Variants in SLC38A4 observed in about 807,000 individuals in gnomAD.
The protein encoded by SLC38A4 is sodium-coupled neutral amino acid transporter 4.
A neutral mutation model predicts 63.1 loss-of-function variants in SLC38A4; 20 were observed. That is an observed-to-expected ratio of 0.32 (90% CI 0.22 to 0.46). The LOEUF (loss-of-function observed/expected upper bound fraction) is 0.46. Among genes scored for constraint, SLC38A4 ranks in the 20% least tolerant of loss-of-function variants. The pLI is 1.00. For missense variants in SLC38A4, 526 were observed against 663.6 expected (o/e 0.79, Z 2.28); for synonymous variants, 230 against 225.5 (o/e 1.02, Z -0.18).
At chr12:46,810,038 C>T (rs964369257) in intron 1 of SLC38A4, among the ~76,000 whole-genome samples, 3 of 151,980 alleles carry the variant, frequency 2.0e-5, no homozygotes, top group African/African-American at 7.2e-5. Flanking sequence ...AAGAGACATT[C>T]TAATAATTAT....
chr12:46,812,705 G>A (rs1309128906), intron 1 of SLC38A4, among the ~76,000 whole-genome samples: 1 of 151,926 alleles, frequency 6.6e-6, no homozygotes, highest in Non-Finnish European at 1.5e-5. Context: ...CATGACTGGA[G>A]TTCAAACTAG....
At chr12:46,817,859 T>A (rs1939471981) in intron 1 of SLC38A4, among the ~76,000 whole-genome samples, 1 of 151,962 alleles carries the variant, frequency 6.6e-6, no homozygotes, top group Non-Finnish European at 1.5e-5. Flanking sequence ...AATTAATTCC[T>A]ATTAGTAAAA....
At chr12:46,769,585 T>C (rs1421335422) in intron 14 of SLC38A4, among the ~76,000 whole-genome samples, 157 bp from the exon 15 acceptor site, 2 of 152,112 alleles carry the variant, frequency 1.3e-5, no homozygotes, top group African/African-American at 4.8e-5. Flanking sequence ...TTATAAAACA[T>C]ACATAACATA....
chr12:46,774,992 CAT>C (rs1267341384), intron 14 of SLC38A4, 55 bp downstream of exon 14: 6 of 1,582,674 alleles, frequency 3.8e-6, no homozygotes, highest in Non-Finnish European at 5.2e-6. Context: ...AGGTAGAACA[CAT>C]GTACTAATTT....
In SLC38A4 at chr12:46,778,636, C is replaced by T. The variant is rs1323663754; in HGVS notation, c.858G>A (p.Met286Ile). The T allele has an allele frequency of 1.9e-6, 3 of 1,612,892 alleles. No individual in the cohort carries two copies. In the African/African-American group the frequency reaches 4.0e-5, roughly 22 times the overall value. The part of the protein sequence containing the change: ...NNSESSDVNF[M>I]MDYTHRNPAG... ...CAGGATTGCGGTGGGTGTAATCCAT[C>T]ATGAAGTTCACATCAGAACTCTCAG... The change falls in exon 11 of 17, where the codon ATG becomes ATA. Residue 286 changes from methionine to isoleucine, a missense_variant. Physicochemically the swap from Met to Ile is conservative, Grantham distance 10. Transcript: ENST00000266579.
chr12:46,785,596 C>T (rs1046843892), intron 5 of SLC38A4, among the ~76,000 whole-genome samples: 4 of 151,998 alleles, frequency 2.6e-5, no homozygotes, highest in African/African-American at 9.7e-5. Flanking sequence ...TCTAGGAATC[C>T]AAAGGCGAAA....
intron 14 of SLC38A4, among the ~76,000 whole-genome samples, chr12:46,771,611 C>T (rs1431274429): frequency 4.6e-5 from 7 of 152,066 alleles, no homozygotes; most frequent in Non-Finnish European, 1.5e-5. Flanking sequence ...TAGGAAAATT[C>T]CAAACAGAAC....
chr12:46,783,306 AG>A (rs11335992), intron 7 of SLC38A4, among the ~76,000 whole-genome samples: 98,779 of 151,086 alleles, frequency 0.65, 34,382 homozygotes, highest in Middle Eastern at 0.81. Context: ...TTGCTAGGAA[AG>A]GTTTAGAAAG....
chr12:46,774,739 A>T (rs1398743285), intron 14 of SLC38A4, among the ~76,000 whole-genome samples: 1 of 152,016 alleles, frequency 6.6e-6, no homozygotes, highest in Non-Finnish European at 1.5e-5. Context: ...CAAGGTTCCA[A>T]AGTTATATGA....
chr12:46,785,016 TA>T, intron 6 of SLC38A4, 87 bp downstream of exon 6: 1 of 1,077,694 alleles, frequency 9.3e-7, no homozygotes, highest in Non-Finnish European at 1.4e-6. Context: ...AAACTGACTA[TA>T]ATCATCCTAA....
chr12:46,811,896 G>A (rs941572966), intron 1 of SLC38A4, among the ~76,000 whole-genome samples: 1 of 151,824 alleles, frequency 6.6e-6, no homozygotes, highest in Admixed American at 6.6e-5. Flanking sequence ...CTAATTGCAA[G>A]TCTTACAGGA....
intron 2 of SLC38A4, among the ~76,000 whole-genome samples, chr12:46,793,929 T>C (rs757670473): frequency 1.3e-5 from 2 of 152,184 alleles, no homozygotes; most frequent in Non-Finnish European, 2.9e-5. Flanking sequence ...TTTTCCTCAA[T>C]TGTATAGTGA....
chr12:46,778,899 G>T, intron 10 of SLC38A4, 123 bp from the exon 11 acceptor site: 1 of 823,426 alleles, frequency 1.2e-6, no homozygotes, highest in Non-Finnish European at 1.9e-6. Flanking sequence ...ATTCCTTTTA[G>T]ACTAATGGAC....
At chr12:46,807,567 T>C (rs889383670) in intron 1 of SLC38A4, among the ~76,000 whole-genome samples, 2 of 151,986 alleles carry the variant, frequency 1.3e-5, no homozygotes, top group African/African-American at 4.8e-5. Context: ...ATTTGTGATC[T>C]TTTTTGATGT....
intron 7 of SLC38A4, among the ~76,000 whole-genome samples, chr12:46,784,024 G>C (rs4768759): frequency 6.6e-6 from 1 of 151,904 alleles, no homozygotes; most frequent in African/African-American, 2.4e-5. Context: ...TCAACAAACC[G>C]GGGTTTATAG....
At chr12:46,821,365 T>C (rs938521253) in intron 1 of SLC38A4, among the ~76,000 whole-genome samples, 1 of 152,144 alleles carries the variant, frequency 6.6e-6, no homozygotes, top group Non-Finnish European at 1.5e-5. Flanking sequence ...TCCAATTTCA[T>C]TCTTTTGCAT....
At chr12:46,796,607 A>T (rs995626707) in intron 2 of SLC38A4, among the ~76,000 whole-genome samples, 3 of 151,888 alleles carry the variant, frequency 2.0e-5, no homozygotes, top group African/African-American at 7.3e-5. Flanking sequence ...GGAGCATCCC[A>T]CTCCCAGACA....
intron 1 of SLC38A4, among the ~76,000 whole-genome samples, chr12:46,822,839 T>A (rs1939578815): frequency 6.6e-6 from 1 of 152,304 alleles, no homozygotes; most frequent in Non-Finnish European, 1.5e-5. Flanking sequence ...GTTTAAACTT[T>A]AAGGAATTTT....
chr12:46,813,042 C>A (rs1024960808), intron 1 of SLC38A4, among the ~76,000 whole-genome samples: 2 of 151,772 alleles, frequency 1.3e-5, no homozygotes, highest in Non-Finnish European at 2.9e-5. Flanking sequence ...CTTTGAATAT[C>A]TATTATGCAC....
Sources: gnomAD v4.1 joint callset for allele counts (sites outside exome capture counted in the v4.1 genomes callset) on GRCh38, gnomAD v4.1.1 for gene constraint, MANE v1.5 for transcripts, NCBI Gene and HGNC (gene_info 2026-07-23, HGNC 2026-07-21) for gene names.